Variants in REL observed in about 807,000 individuals in gnomAD.
The protein encoded by REL is REL proto-oncogene, NF-kB subunit, also known as proto-oncogene c-Rel.
In REL, 15 loss-of-function variants were observed where a neutral mutation model predicts 45.9. The ratio of observed to expected loss-of-function variants is 0.33; its 90% CI spans 0.22 to 0.50. REL has a LOEUF of 0.50. Ranked by LOEUF, REL falls within the 20% of genes least tolerant of loss-of-function variation. The probability of loss-of-function intolerance (pLI) is 0.98; values close to 1 mark genes in which losing one functional copy is unlikely to be tolerated. For missense variants in REL, 601 were observed against 715.2 expected, an observed-to-expected ratio of 0.84 and a Z score of 1.82; for synonymous variants, 239 against 242.1, an observed-to-expected ratio of 0.99 and a Z score of 0.12.
At chr2:60,887,375 G>A (rs1381315420) in intron 1 of REL, among the ~76,000 whole-genome samples, 1 of 151,824 alleles carries the variant, frequency 6.6e-6, no homozygotes, top group Non-Finnish European at 1.5e-5. Context: ...TCACTTATAT[G>A]ATTATTTAAC....
rs1674307394 is a variant in REL, at chr2:60,928,057, C to G, written c.*5522C>G. 1 of 195,946 alleles carries G rather than the reference C, an allele frequency of 5.1e-6. No individual in the cohort carries two copies. Among genetic ancestry groups the G allele is most frequent in the Non-Finnish European group, 1.1e-5 (1 of 94,322 alleles). The allele number at this position is 195,946 out of a possible 1,614,324, so 12.1% of individuals were successfully genotyped here. A position where few individuals can be genotyped will look rare whatever the true frequency, so the allele number is the denominator to read the frequency against. Reference sequence around the variant, plus strand: ...GCACTGGCATGGTGGATGGATCACGCCTGTAATCCCAGCACTTTGGGAGGC... The same window carrying G: ...GCACTGGCATGGTGGATGGATCACGGCTGTAATCCCAGCACTTTGGGAGGC... On this transcript the variant is annotated 3_prime_UTR_variant, in exon 10 of 10. Transcript: ENST00000394479.
At chr2:60,882,689 A>G (rs1672975046) in intron 1 of REL, among the ~76,000 whole-genome samples, 1 of 152,254 alleles carries the variant, frequency 6.6e-6, no homozygotes, top group East Asian at 1.9e-4. Flanking sequence ...TAAAAAAAAA[A>G]AAAATGTAGT....
chr2:60,907,824 A>G (rs2103961206), intron 4 of REL, among the ~76,000 whole-genome samples: 1 of 151,074 alleles, frequency 6.6e-6, no homozygotes, highest in African/African-American at 2.4e-5. Flanking sequence ...CCGAGTAGCT[A>G]GGACTACAGG....
At position 60,907,067 on chromosome 2, in the gene REL, G is replaced by A. The variant is rs905500520; in HGVS notation, c.394+5984G>A. 4.0e-5 allele frequency among the ~76,000 whole-genome samples: 6 copies of A among 151,146 alleles called. No homozygotes were observed. In the East Asian group the frequency reaches 5.9e-4, roughly 15 times the overall value. On this transcript the variant is annotated intron_variant, in intron 4 of 9. Coordinates refer to ENST00000394479, the MANE Select transcript of REL (RefSeq NM_001291746.2). ...TCTGAGTAGCTGGGACTACAGGCAC[G>A]CGCCACCATGCCCAGCTAATTTTTT...
chr2:60,919,591 C>T (rs1217891229), intron 7 of REL, among the ~76,000 whole-genome samples: 1 of 151,698 alleles, frequency 6.6e-6, no homozygotes, highest in Admixed American at 6.6e-5. Context: ...ACACCCGACT[C>T]ATTTTGTATT....
rs371444226 is a variant in REL at position 60,881,784 on chromosome 2, G to T, written c.-57G>T. 1 of 1,517,780 alleles carries T rather than the reference G, an allele frequency of 6.6e-7. No individual in the cohort carries two copies. 94.0% of individuals were successfully genotyped at this position (1,517,780 alleles called of 1,614,324 possible). On this transcript the variant is annotated 5_prime_UTR_variant, in exon 1 of 10. Coordinates refer to ENST00000394479, the MANE Select transcript of REL (RefSeq NM_001291746.2). ...TCGGCCTCCTGACTGACTGACTGCG[G>T]CCGCCTCCGGCCAGGACGCTGGGAG...
intron 4 of REL, among the ~76,000 whole-genome samples, chr2:60,903,570 G>T (rs542803898): frequency 6.6e-6 from 1 of 151,774 alleles, no homozygotes; most frequent in East Asian, 1.9e-4. Context: ...GTCTCACTCT[G>T]TCACCCAGGC....
intron 1 of REL, among the ~76,000 whole-genome samples, chr2:60,889,735 G>A (rs1461368243): frequency 2.0e-5 from 3 of 151,816 alleles, no homozygotes; most frequent in Non-Finnish European, 2.9e-5. Context: ...TTGTCCTCAC[G>A]ATAGTTTCCA....
intron 1 of REL, among the ~76,000 whole-genome samples, chr2:60,887,245 A>G (rs557948524): frequency 6.6e-6 from 1 of 152,332 alleles, no homozygotes; most frequent in East Asian, 1.9e-4. Context: ...AAAATCATAA[A>G]CACAGATAAA....
At position 60,927,026 on chromosome 2, in the gene REL, C is replaced by T. The variant is rs950439397; in HGVS notation, c.*4491C>T. 8.8e-6 allele frequency: 2 copies of T among 228,316 alleles called. No homozygotes were observed. Among genetic ancestry groups the T allele is most frequent in the South Asian group, 1.8e-4 (1 of 5,506 alleles). The allele number at this position is 228,316 out of a possible 1,614,324, so 14.1% of individuals were successfully genotyped here. ...TCTGCTCTTCTGGAACTAGAACACT[C>T]ATCCTTGAAGGCTGGGCTTCTGTAT... On this transcript the variant is annotated 3_prime_UTR_variant, in exon 10 of 10. Coordinates refer to ENST00000394479, the MANE Select transcript of REL (RefSeq NM_001291746.2).
chr2:60,911,940 G>T (rs1425911553), intron 4 of REL, among the ~76,000 whole-genome samples: 4 of 145,416 alleles, frequency 2.8e-5, no homozygotes, highest in Non-Finnish European at 6.0e-5. Context: ...GGAGGTTGCA[G>T]TGAGCTGAGA....
rs1399596853 is a variant in REL at position 60,923,925 on chromosome 2, T to A, written c.*1390T>A. ...TGGCTTCTCATCTCACTCAGAGCAGTCAAAGTCCTTAAAAGTTGCAGGCCT... is the reference window on the plus strand; with the variant it reads ...TGGCTTCTCATCTCACTCAGAGCAGACAAAGTCCTTAAAAGTTGCAGGCCT... On this transcript the variant is annotated 3_prime_UTR_variant, in exon 10 of 10. Transcript: ENST00000394479. 4.3e-6 allele frequency: 1 copy of A among 232,800 alleles called. No homozygotes were observed. The highest frequency in any genetic ancestry group is 2.2e-5 in the African/African-American group (1 of 45,298). 14.4% of individuals were successfully genotyped at this position (232,800 alleles called of 1,614,324 possible).
chr2:60,920,771 T>C (rs1674119930), intron 9 of REL, 129 bp downstream of exon 9: 1 of 605,336 alleles, frequency 1.7e-6, no homozygotes, highest in Admixed American at 3.4e-5. Context: ...TTTTCATGCT[T>C]TCAGTATAGA....
In REL at chr2:60,931,002, C is replaced by G. The variant is rs1402223672; in HGVS notation, c.*8467C>G. ...TTTGGTAAAAGTATCAAACATTCAT[C>G]TTGCCCATTTTTCCTCTTAAACTTT... is the stretch of plus-strand genomic sequence containing the variant. On this transcript the variant is annotated 3_prime_UTR_variant, in exon 10 of 10. Transcript: ENST00000394479. 3 of 152,328 alleles carry G rather than the reference C, an allele frequency of 2.0e-5. No homozygotes were observed. The highest frequency in any genetic ancestry group is 6.6e-5 in the Admixed American group (1 of 15,266). The allele number at this position is 152,328 out of a possible 1,614,324, so 9.4% of individuals were successfully genotyped here. A position where few individuals can be genotyped will look rare whatever the true frequency, so the allele number is the denominator to read the frequency against.
chr2:60,887,523 C>T (rs1673100477), intron 1 of REL, among the ~76,000 whole-genome samples: 1 of 151,800 alleles, frequency 6.6e-6, no homozygotes, highest in Non-Finnish European at 1.5e-5. Context: ...AGAAATAAAA[C>T]AAGTAGCTTT....
At chr2:60,895,611 T>C (rs567375736) in intron 3 of REL, among the ~76,000 whole-genome samples, 2 of 152,358 alleles carry the variant, frequency 1.3e-5, no homozygotes, top group South Asian at 4.1e-4. Context: ...AATAGTCATG[T>C]AATACTTCAT....
In REL at chr2:60,891,839, C is replaced by T. The variant is rs769681135; in HGVS notation, c.153+14C>T. On this transcript the variant is annotated intron_variant, in intron 2 of 9. Coordinates refer to ENST00000394479, the MANE Select transcript of REL (RefSeq NM_001291746.2). The stretch of plus-strand genomic sequence containing the variant: ...CCTTCTATCCAGGTAATAGACCCTT[C>T]TTCTGTGTCTATCTCACTATTAGTT... The T allele has an allele frequency of 1.3e-6, 2 of 1,596,212 alleles. No individual in the cohort carries two copies. The highest frequency in any genetic ancestry group is 1.1e-5 in the South Asian group (1 of 88,532).
Position 60,916,966 on chromosome 2 carries a change from A to G in REL, c.484A>G (p.Asn162Asp). The G allele has an allele frequency of 6.2e-7, 1 of 1,613,348 alleles. No homozygotes were observed. ...AGTTTTTCTCCCTGATGAACATGGT[A>G]ATTTGACGACTGCTCTTCCTCCTGT... Reference protein sequence around the residue: ...FQVFLPDEHGNLTTALPPVVS... With the variant: ...FQVFLPDEHGDLTTALPPVVS... Residue 162 changes from asparagine (N) to aspartate (D), a missense_variant, in exon 5 of 10, where the codon AAT (asparagine) becomes GAT (aspartate). Around this residue, in one of 4 missense-constraint regions of REL, gnomAD observed 241 missense variants for 347.0 expected, o/e 0.69. Transcript: ENST00000394479.
Position 60,921,753 on chromosome 2 carries a change from C to A in REL, c.992-10C>A, listed in dbSNP as rs1278682493. On this transcript the variant is annotated splice_polypyrimidine_tract_variant and intron_variant, in intron 9 of 9. Coordinates refer to ENST00000394479, the MANE Select transcript of REL (RefSeq NM_001291746.2). ...TTTTAATTTCGTAAAATAAATTTTT[C>A]CTCCCACAGAACCAAACTTGTTTTC... The A allele has an allele frequency of 6.4e-7, 1 of 1,555,800 alleles. No individual in the cohort carries two copies. The highest frequency in any genetic ancestry group is 2.3e-5 in the East Asian group (1 of 43,776).
Sources: allele counts gnomAD v4.1 joint callset (sites outside exome capture counted in the v4.1 genomes callset), GRCh38; gene constraint gnomAD v4.1.1; regional missense constraint gnomAD v4.1.1; transcripts MANE v1.5; gene names NCBI Gene and HGNC (gene_info 2026-07-23, HGNC 2026-07-21).